A2ML1: variants seen among roughly 807,000 people sequenced by gnomAD.
A2ML1 encodes alpha-2-macroglobulin like 1, also known as alpha-2-macroglobulin-like protein 1.
Under a neutral mutation model 181.9 loss-of-function variants are expected in A2ML1, and 161 were observed. The observed-to-expected ratio is 0.89, with a 90% CI of 0.78 to 1.01. A2ML1 has a LOEUF of 1.01. Ranked by LOEUF, A2ML1 falls within the 50% of genes least tolerant of loss-of-function variation. A2ML1 has a pLI of 0.00. For missense variants in A2ML1, 1,670 were observed against 1,768.1 expected (o/e 0.94, Z 1.00); for synonymous variants, 663 against 666.8 (o/e 0.99, Z 0.09).
At chr12:8,878,535 T>C (rs2137008725), downstream of A2ML1, among the ~76,000 whole-genome samples, 1 of 152,286 alleles carries the variant, frequency 6.6e-6, no homozygotes, top group Non-Finnish European at 1.5e-5. This position sits in a 1 kb window ranked among gnomAD's most constrained non-coding sequence, Gnocchi z 4.4. Flanking sequence ...AGTTGAAACC[T>C]ACATTCAGGT....
rs1281762032 is a variant in A2ML1 at position 8,852,060 on chromosome 12, C to T, written c.2463+48C>T. 1.3e-6 allele frequency: 2 copies of T among 1,597,470 alleles called. No individual in the cohort carries two copies. Among genetic ancestry groups the T allele is most frequent in the South Asian group, 1.1e-5 (1 of 90,280 alleles). ...TCAGGTGTCAGCCCTGGAATCACAC[C>T]TCCCCCATAAGTTTGTCTCTAAATT... On this transcript the variant is annotated intron_variant, in intron 19 of 35. Coordinates refer to ENST00000299698, the MANE Select transcript of A2ML1 (RefSeq NM_144670.6). The surrounding 1 kb of genome is among the most constrained non-coding windows in gnomAD (Gnocchi z 4.2).
At chr12:8,835,405 G>C (rs1943239264) in intron 5 of A2ML1, 102 bp from the exon 6 acceptor site, 1 of 1,437,290 alleles carries the variant, frequency 7.0e-7, no homozygotes, top group Non-Finnish European at 9.6e-7. Flanking sequence ...CATGAACAAT[G>C]GGTGGGGTTT....
rs1345473367 is a variant in A2ML1 at position 8,840,982 on chromosome 12, G to GGAAC, written c.1081-384_1081-383insCGAA. 6.1e-5 allele frequency among the ~76,000 whole-genome samples: 3 copies of GGAAC among 48,860 alleles called. No individual in the cohort carries two copies. In the East Asian group the frequency reaches 1.6e-3, roughly 26 times the overall value. The allele number at this position is 48,860 out of a possible 152,430, so 32.1% of individuals were successfully genotyped here. A position where few individuals can be genotyped will look rare whatever the true frequency, so the allele number is the denominator to read the frequency against. Reference sequence around the variant, plus strand: ...AGGAAGGAAAGAAGGAAGGAAAGAAGGAAGGAAGGAAGGAAGGAAGGAAGG... The same window carrying GGAAC: ...AGGAAGGAAAGAAGGAAGGAAAGAAGGAACGAAGGAAGGAAGGAAGGAAGGAAGG... On this transcript the variant is annotated intron_variant, in intron 10 of 35. Coordinates refer to ENST00000299698, the MANE Select transcript of A2ML1 (RefSeq NM_144670.6).
At chr12:8,881,965 T>C (rs1470711671) in intron 7 of A2ML1, among the ~76,000 whole-genome samples, 2 of 151,182 alleles carry the variant, frequency 1.3e-5, no homozygotes, top group African/African-American at 4.9e-5. Context: ...GAGCCGAGAT[T>C]GCGCCACTGC....
At chr12:8,824,412 TAC>T (rs1047246730) in intron 3 of A2ML1, among the ~76,000 whole-genome samples, 11 of 151,864 alleles carry the variant, frequency 7.2e-5, no homozygotes, top group African/African-American at 2.7e-4. Context: ...GATATTTTTA[TAC>T]ACACACACAA....
At chr12:8,857,762 A>G in intron 25 of A2ML1, 174 bp downstream of exon 25, 1 of 1,090,914 alleles carries the variant, frequency 9.2e-7, no homozygotes, top group South Asian at 1.5e-5. Flanking sequence ...GATCTTCCTG[A>G]GCTTGTGCCT....
In A2ML1 at chr12:8,850,284, G is replaced by A. The variant is rs753021676; in HGVS notation, c.2234+10G>A. On this transcript the variant is annotated intron_variant, in intron 18 of 35. Transcript: ENST00000299698. Reference sequence around the variant, plus strand: ...ATCTGTTTCCTATTGGGTAAGTGATGACTCAAAAGTACAGTAAAGGGCCAG... The same window carrying A: ...ATCTGTTTCCTATTGGGTAAGTGATAACTCAAAAGTACAGTAAAGGGCCAG... 72 of 1,599,836 alleles carry A rather than the reference G, an allele frequency of 4.5e-5. No homozygotes were observed. In the East Asian group the frequency reaches 1.4e-3, roughly 32 times the overall value.
chr12:8,885,818 G>A (rs1270461887), intron 7 of A2ML1, among the ~76,000 whole-genome samples: 1 of 152,158 alleles, frequency 6.6e-6, no homozygotes, highest in Non-Finnish European at 1.5e-5. Context: ...CATGGTATGA[G>A]CTAGGTCAAG....
chr12:8,842,076 C>T (rs986413714), intron 11 of A2ML1, among the ~76,000 whole-genome samples: 8 of 152,228 alleles, frequency 5.3e-5, no homozygotes, highest in South Asian at 2.1e-4. Flanking sequence ...GTCTGCAGAT[C>T]GGCTGGCCAT....
At chr12:8,878,256 T>G (rs886271426), downstream of A2ML1, among the ~76,000 whole-genome samples, 1 of 152,136 alleles carries the variant, frequency 6.6e-6, no homozygotes, top group Non-Finnish European at 1.5e-5. This position sits in a 1 kb window ranked among gnomAD's most constrained non-coding sequence, Gnocchi z 4.4. Context: ...TGAGCCGAGA[T>G]CATGCCATCG....
intron 33 of A2ML1, among the ~76,000 whole-genome samples, chr12:8,871,281 G>A (rs7313300): frequency 0.046 from 7,040 of 151,408 alleles, 515 homozygotes; most frequent in African/African-American, 0.16. Context: ...TCCATGATCT[G>A]TTTTTGCAGG....
chr12:8,848,657 G>C (rs952596508), intron 15 of A2ML1, 63 bp from the exon 16 acceptor site: 9 of 1,373,718 alleles, frequency 6.6e-6, no homozygotes, highest in Non-Finnish European at 8.9e-6. Context: ...CAGAATCTGA[G>C]AGAAGTTTCT....
rs114265494 is a variant in A2ML1, at chr12:8,829,797, G to A, written c.462+18G>A. On this transcript the variant is annotated intron_variant, in intron 4 of 35. Transcript: ENST00000299698. The stretch of plus-strand genomic sequence containing the variant: ...ATGACAAGGTGAGTTGGGAGGAGGA[G>A]AAGGAGTGGCGCAGGGAGAACAGGG... 999 of 1,613,918 alleles carry A rather than the reference G, an allele frequency of 6.2e-4. 4 individuals carry two copies. In the African/African-American group the frequency reaches 0.012, roughly 20 times the overall value.
intron 29 of A2ML1, among the ~76,000 whole-genome samples, chr12:8,865,067 G>A (rs1478241789): frequency 6.6e-5 from 1 of 15,038 alleles, no homozygotes; most frequent in African/African-American, 7.1e-5. Flanking sequence ...AGCTGGATGT[G>A]GTGACATGTT....
chr12:8,828,684 T>C (rs1943010523), intron 3 of A2ML1, among the ~76,000 whole-genome samples: 1 of 152,022 alleles, frequency 6.6e-6, no homozygotes, highest in Non-Finnish European at 1.5e-5. Flanking sequence ...TCTCTCCCCA[T>C]AGTCACCACA....
At chr12:8,841,815 G>T (rs1425747002) in intron 11 of A2ML1, among the ~76,000 whole-genome samples, 1 of 152,102 alleles carries the variant, frequency 6.6e-6, no homozygotes, top group Non-Finnish European at 1.5e-5. Flanking sequence ...TGAAGTTAGA[G>T]CAGGGAGGAA....
intron 17 of A2ML1, 112 bp from the exon 18 acceptor site, chr12:8,850,048 G>T: frequency 1.2e-6 from 1 of 835,570 alleles, no homozygotes; most frequent in Non-Finnish European, 1.9e-6. Flanking sequence ...GCCTCTGACT[G>T]GATGTTCTCT....
At chr12:8,843,868 G>A (rs1036242390) in intron 12 of A2ML1, among the ~76,000 whole-genome samples, 22 of 151,974 alleles carry the variant, frequency 1.4e-4, no homozygotes, top group South Asian at 2.1e-4. Flanking sequence ...ACAGGCGCCC[G>A]CCACCACGCC....
At position 8,858,103 on chromosome 12, in the gene A2ML1, G is replaced by A; in HGVS notation, c.3264+1G>A. The A allele has an allele frequency of 6.2e-7, 1 of 1,613,884 alleles. No individual in the cohort carries two copies. The highest frequency in any genetic ancestry group is 2.2e-5 in the East Asian group (1 of 44,882). On this transcript the variant is annotated splice_donor_variant, in intron 26 of 35. Coordinates refer to ENST00000299698, the MANE Select transcript of A2ML1 (RefSeq NM_144670.6). LOFTEE classifies it high-confidence loss of function. ...AAATCTCCTTCACACAGCTATGAAG[G>A]TGCGGATCTGTCCAGGAGCCTGCAG...
Sources: gnomAD v4.1 joint callset for allele counts (sites outside exome capture counted in the v4.1 genomes callset) on GRCh38, gnomAD v4.1.1 for gene constraint, Gnocchi (gnomAD v3.1) non-coding constraint, MANE v1.5 for transcripts, NCBI Gene and HGNC (gene_info 2026-07-23, HGNC 2026-07-21) for gene names.